Variants in TRABD2B observed in about 807,000 individuals in gnomAD.
TRABD2B encodes metalloprotease TIKI2.
A neutral mutation model predicts 40.1 loss-of-function variants in TRABD2B; 14 were observed. The ratio of observed to expected loss-of-function variants is 0.35; its 90% confidence interval spans 0.23 to 0.55. The LOEUF (loss-of-function observed/expected upper bound fraction) is 0.55. Ranked by LOEUF, TRABD2B falls within the 20% of genes least tolerant of loss-of-function variation. The pLI is 0.90. For missense variants in TRABD2B, 541 were observed against 648.6 expected, an observed-to-expected ratio of 0.83 and a Z score of 1.80; for synonymous variants, 263 against 277.0, an observed-to-expected ratio of 0.95 and a Z score of 0.50.
At chr1:47,990,770 TTTATA>T (rs1645992628) in intron 2 of TRABD2B, among the ~76,000 whole-genome samples, 1 of 35,046 alleles carries the variant, frequency 2.9e-5, no homozygotes, top group Non-Finnish European at 4.8e-5. Flanking sequence ...AAACGTTGGT[TTTATA>T]TATATATATA....
intron 2 of TRABD2B, among the ~76,000 whole-genome samples, chr1:47,986,395 C>T (rs1355618581): frequency 6.6e-6 from 1 of 152,188 alleles, no homozygotes; most frequent in Non-Finnish European, 1.5e-5. Flanking sequence ...AAAGCCCCAA[C>T]TTCAGAACTG....
intron 2 of TRABD2B, among the ~76,000 whole-genome samples, chr1:47,815,224 G>C (rs1198622407): frequency 6.6e-6 from 1 of 152,210 alleles, no homozygotes; most frequent in Non-Finnish European, 1.5e-5. Context: ...AAAGAACACA[G>C]AGAAGTCAGA....
At chr1:47,778,658 A>C in intron 4 of TRABD2B, 114 bp from the exon 5 acceptor site, 1 of 727,696 alleles carries the variant, frequency 1.4e-6, no homozygotes, top group Middle Eastern at 2.3e-4. Flanking sequence ...CACCAAAGTC[A>C]ATGCCCCAGA....
intron 2 of TRABD2B, among the ~76,000 whole-genome samples, chr1:47,811,232 A>G (rs1644960835): frequency 6.6e-6 from 1 of 152,076 alleles, no homozygotes; most frequent in Non-Finnish European, 1.5e-5. Flanking sequence ...CTGAAGATGA[A>G]GGCAGCTCTG....
At chr1:47,810,972 A>G (rs1644956933) in intron 2 of TRABD2B, among the ~76,000 whole-genome samples, 1 of 152,246 alleles carries the variant, frequency 6.6e-6, no homozygotes, top group African/African-American at 2.4e-5. Context: ...ATGCTGCGTC[A>G]GCTCATGCAC....
At chr1:47,936,506 T>C (rs1201353265) in intron 2 of TRABD2B, among the ~76,000 whole-genome samples, 2 of 152,166 alleles carry the variant, frequency 1.3e-5, no homozygotes, top group Admixed American at 1.3e-4. Context: ...GAGCTGAGTC[T>C]TGAGGAAGGG....
chr1:47,791,850 C>T (rs900066637), intron 4 of TRABD2B, among the ~76,000 whole-genome samples: 1 of 152,190 alleles, frequency 6.6e-6, no homozygotes, highest in Non-Finnish European at 1.5e-5. Context: ...GGCTCAATGC[C>T]CTGCACACAA....
intron 2 of TRABD2B, among the ~76,000 whole-genome samples, chr1:47,987,069 G>A (rs1570420623): frequency 6.6e-6 from 1 of 152,202 alleles, no homozygotes. Flanking sequence ...ATTACCAGGC[G>A]ACCTCTTCTT....
chr1:47,930,110 T>C (rs566470741), intron 2 of TRABD2B, among the ~76,000 whole-genome samples: 1 of 152,260 alleles, frequency 6.6e-6, no homozygotes, highest in East Asian at 1.9e-4. Context: ...GTGGAGGCTG[T>C]GGGGAACAGC....
rs548569796 is a variant in TRABD2B, at chr1:47,770,341, C to A, written c.1350-4235G>T. 2.0e-5 allele frequency among the ~76,000 whole-genome samples: 3 copies of A among 152,278 alleles called. No individual in the cohort carries two copies. The South Asian group carries it at 6.2e-4, about 32-fold the overall frequency. On this transcript the variant is annotated intron_variant, in intron 6 of 6. Transcript: ENST00000606738. ...AGATCCAAAGCAACTGGTTTGCCTG[C>A]GGCTCTGGGTATCTAGGACTTTGTG...
intron 2 of TRABD2B, among the ~76,000 whole-genome samples, chr1:47,921,916 C>T (rs6669798): frequency 0.25 from 37,851 of 152,090 alleles, 4,765 homozygotes; most frequent in Admixed American, 0.28. Context: ...TACAAGCTCA[C>T]TAATCCATAC....
At position 47,996,804 on chromosome 1, in the gene TRABD2B, C is replaced by T. The variant is rs1646099677; in HGVS notation, c.-15G>A. On this transcript the variant is annotated 5_prime_UTR_variant, in exon 1 of 7. Transcript: ENST00000606738. The surrounding 1 kb of genome is among the most constrained non-coding windows in gnomAD (Gnocchi z 4.6). Reference sequence around the variant, plus strand: ...GCGGCGTGCATCCTGCCAGGGCCCGCGGGGCGCGGGGGACCCTCCTGGGCG... The same window carrying T: ...GCGGCGTGCATCCTGCCAGGGCCCGTGGGGCGCGGGGGACCCTCCTGGGCG... 8.4e-7 allele frequency: 1 copy of T among 1,186,890 alleles called. No homozygotes were observed. The highest frequency in any genetic ancestry group is 1.0e-6 in the Non-Finnish European group (1 of 958,968). The allele number at this position is 1,186,890 out of a possible 1,614,324, so 73.5% of individuals were successfully genotyped here. A position where few individuals can be genotyped will look rare whatever the true frequency, so the allele number is the denominator to read the frequency against.
intron 2 of TRABD2B, among the ~76,000 whole-genome samples, chr1:47,929,917 C>T (rs1645017315): frequency 1.3e-5 from 2 of 152,202 alleles, no homozygotes; most frequent in African/African-American, 4.8e-5. Context: ...GCCAAATGCC[C>T]TTGCCCAGCC....
At chr1:47,870,953 G>A (rs1163730135) in intron 2 of TRABD2B, among the ~76,000 whole-genome samples, 2 of 152,130 alleles carry the variant, frequency 1.3e-5, no homozygotes, top group East Asian at 1.9e-4. Flanking sequence ...TAAAGCATCA[G>A]GACTGCAGGG....
chr1:47,985,070 A>C (rs1393356329), intron 2 of TRABD2B, among the ~76,000 whole-genome samples: 2 of 152,220 alleles, frequency 1.3e-5, no homozygotes, highest in Non-Finnish European at 2.9e-5. Context: ...GCTTTACATT[A>C]ATCAATTAAT....
intron 2 of TRABD2B, among the ~76,000 whole-genome samples, chr1:47,921,974 A>G (rs1644907936): frequency 6.6e-6 from 1 of 152,206 alleles, no homozygotes; most frequent in Non-Finnish European, 1.5e-5. Flanking sequence ...AAGTAAGGAA[A>G]CATGTTCAGA....
At chr1:47,779,150 C>T (rs1301078963) in intron 4 of TRABD2B, among the ~76,000 whole-genome samples, 1 of 152,236 alleles carries the variant, frequency 6.6e-6, no homozygotes, top group Non-Finnish European at 1.5e-5. Context: ...ACAGGCTCAG[C>T]ACCTACTGGC....
chr1:47,988,895 T>C (rs1300571099), intron 2 of TRABD2B, among the ~76,000 whole-genome samples: 1 of 152,234 alleles, frequency 6.6e-6, no homozygotes, highest in Non-Finnish European at 1.5e-5. Flanking sequence ...CTGCCTATGC[T>C]GTGGTCCAAA....
intron 2 of TRABD2B, among the ~76,000 whole-genome samples, chr1:47,947,184 T>C (rs909687769): frequency 1.3e-5 from 2 of 152,234 alleles, no homozygotes; most frequent in African/African-American, 2.4e-5. Context: ...AAAGCTTATG[T>C]TCTTCCCACC....
Sources: gnomAD v4.1 joint callset for allele counts (sites outside exome capture counted in the v4.1 genomes callset) on GRCh38, gnomAD v4.1.1 for gene constraint, Gnocchi (gnomAD v3.1) non-coding constraint, MANE v1.5 for transcripts, NCBI Gene and HGNC (gene_info 2026-07-23, HGNC 2026-07-21) for gene names.